PIEZO2: variants seen among roughly 807,000 people sequenced by gnomAD.
PIEZO2 encodes the protein piezo type mechanosensitive ion channel component 2, also known as piezo-type mechanosensitive ion channel component 2.
PIEZO2 carries 172 observed loss-of-function variants against 337.3 expected under a neutral mutation model. That is an observed-to-expected ratio of 0.51 (90% confidence interval 0.45 to 0.58). The LOEUF is 0.58. Ranked by LOEUF, PIEZO2 falls within the 20% of genes least tolerant of loss-of-function variation. PIEZO2 has a pLI of 0.00. For synonymous variants in PIEZO2, 1,251 were observed against 1,228.5 expected (o/e 1.02, Z -0.38); for missense variants, 3,028 against 3,391.3 (o/e 0.89, Z 2.66).
At chr18:11,058,186 C>A (rs2037799297) in intron 2 of PIEZO2, among the ~76,000 whole-genome samples, 1 of 152,212 alleles carries the variant, frequency 6.6e-6, no homozygotes, top group South Asian at 2.1e-4. Context: ...GTTACCCAGG[C>A]AAACAGGGTC....
At chr18:10,947,228 T>C (rs2033071518) in intron 3 of PIEZO2, among the ~76,000 whole-genome samples, 1 of 152,010 alleles carries the variant, frequency 6.6e-6, no homozygotes, top group Admixed American at 6.6e-5. Flanking sequence ...TAAATAATCT[T>C]TTGGGAAGAG....
rs2032830911 is a variant in PIEZO2, at chr18:10,943,450, G to A, written c.287-32222C>T. Among the ~76,000 whole-genome samples, 2 of 152,328 alleles carry A rather than the reference G, an allele frequency of 1.3e-5. No homozygotes were observed. Among genetic ancestry groups the A allele is most frequent in the South Asian group, 4.1e-4 (2 of 4,826 alleles). On this transcript the variant is annotated intron_variant, in intron 3 of 55. Coordinates refer to ENST00000674853, the MANE Select transcript of PIEZO2 (RefSeq NM_001378183.1). The surrounding 1 kb of genome is among the most constrained non-coding windows in gnomAD (Gnocchi z 4.5). ...ACAGGAGACCATTTCGGAGCTTTAA[G>A]ATTTGACTGCCCTGCTGGATTTCAG...
At position 10,895,676 on chromosome 18, in the gene PIEZO2, C is replaced by A. The variant is rs1448291803; in HGVS notation, c.329+15510G>T. 6.6e-6 allele frequency among the ~76,000 whole-genome samples: 1 copy of A among 152,140 alleles called. No individual in the cohort carries two copies. The highest frequency in any genetic ancestry group is 1.5e-5 in the Non-Finnish European group (1 of 68,034). The stretch of plus-strand genomic sequence containing the variant: ...AGTTTAACACCTGGGAAATGGGGCG[C>A]TCCCTCTGACCTGCACATTTCATCT... On this transcript the variant is annotated intron_variant, in intron 4 of 55. Transcript: ENST00000674853. This position sits in a 1 kb window ranked among gnomAD's most constrained non-coding sequence, Gnocchi z 4.8.
At position 10,699,075 on chromosome 18, in the gene PIEZO2, C is replaced by T. The variant is rs750768276; in HGVS notation, c.6544G>A (p.Asp2182Asn). The change falls in exon 44 of 56, where the codon GAT becomes AAT. Residue 2182 changes from aspartate (D) to asparagine (N), a missense_variant. This residue lies in a region of PIEZO2 where 1,925 missense variants were observed against 2,051.9 expected (regional missense o/e 0.94). Transcript: ENST00000674853. ...SLGHGRRDSS[D>N]SLKSINLAAS... ...GCCAGGTTGATGGACTTGAGAGAAT[C>T]GGAGGAGTCCCTCCTGCCATGACCG... 47 of 1,537,040 alleles carry T rather than the reference C, an allele frequency of 3.1e-5. No homozygotes were observed. In the East Asian group the frequency reaches 5.1e-4, roughly 17 times the overall value.
At chr18:10,693,038 T>G (rs1159272772) in intron 47 of PIEZO2, among the ~76,000 whole-genome samples, 1 of 152,162 alleles carries the variant, frequency 6.6e-6, no homozygotes, top group African/African-American at 2.4e-5. Context: ...ATTTAGGCCT[T>G]CTTTAATTTC....
rs1046817827 is a variant in PIEZO2 at position 11,097,598 on chromosome 18, C to A, written c.65-31376G>T. The stretch of plus-strand genomic sequence containing the variant: ...AGGAGTACAGCCTAATCACCACCAC[C>A]AAAACAAGTTGTCTTCACCTGGATG... On this transcript the variant is annotated intron_variant, in intron 1 of 55. Transcript: ENST00000674853. This position sits in a 1 kb window ranked among gnomAD's most constrained non-coding sequence, Gnocchi z 5.0. Among the ~76,000 whole-genome samples, 2 of 152,232 alleles carry A rather than the reference C, an allele frequency of 1.3e-5. No homozygotes were observed. Among genetic ancestry groups the A allele is most frequent in the Admixed American group, 6.5e-5 (1 of 15,290 alleles).
chr18:10,712,744 T>G (rs2035868833), intron 39 of PIEZO2, among the ~76,000 whole-genome samples: 1 of 152,352 alleles, frequency 6.6e-6, no homozygotes, highest in South Asian at 2.1e-4. Flanking sequence ...GTGCATATTC[T>G]TGGGTAGAAA....
At chr18:10,698,018 T>G in intron 44 of PIEZO2, 138 bp from the exon 45 acceptor site, 2 of 81,218 alleles carry the variant, frequency 2.5e-5, no homozygotes, top group Non-Finnish European at 3.3e-5. Flanking sequence ...TGCACGGCCT[T>G]GGGATTTGTC....
At position 10,819,066 on chromosome 18, in the gene PIEZO2, T is replaced by A. The variant is rs567981807; in HGVS notation, c.918-11792A>T. Among the ~76,000 whole-genome samples the A allele has an allele frequency of 4.5e-4, 69 of 152,326 alleles. 1 individual carries two copies. The South Asian group carries it at 0.011, about 25-fold the overall frequency. Reference sequence around the variant, plus strand: ...TACACATCGTCCCCCACCAAAATAATATGGAAATGTTCCATTTAATTGTCA... The same window carrying A: ...TACACATCGTCCCCCACCAAAATAAAATGGAAATGTTCCATTTAATTGTCA... On this transcript the variant is annotated intron_variant, in intron 7 of 55. Transcript: ENST00000674853. This position sits in a 1 kb window ranked among gnomAD's most constrained non-coding sequence, Gnocchi z 4.3.
intron 10 of PIEZO2, 93 bp from the exon 11 acceptor site, chr18:10,800,568 A>T: frequency 3.0e-6 from 4 of 1,349,296 alleles, no homozygotes; most frequent in Non-Finnish European, 3.9e-6. Context: ...ACCCTAACTG[A>T]ACAGTGAGGA....
At chr18:10,685,950 C>T (rs779319920) in intron 49 of PIEZO2, among the ~76,000 whole-genome samples, 14 of 138,560 alleles carry the variant, frequency 1.0e-4, no homozygotes, top group South Asian at 2.2e-4. Context: ...ACAACTGACT[C>T]GCTCACTTGT....
At chr18:10,917,098 G>T (rs1189331598) in intron 3 of PIEZO2, among the ~76,000 whole-genome samples, 1 of 140,802 alleles carries the variant, frequency 7.1e-6, no homozygotes, top group Non-Finnish European at 1.5e-5. Context: ...AAGTACAGGG[G>T]GAGTTCGTTC....
intron 4 of PIEZO2, among the ~76,000 whole-genome samples, chr18:10,876,555 A>C (rs1423889057): frequency 6.6e-6 from 1 of 152,184 alleles, no homozygotes; most frequent in Non-Finnish European, 1.5e-5. Context: ...AAGTCGGTAA[A>C]TCTCATTTCA....
At chr18:11,124,627 T>G (rs1471467182) in intron 1 of PIEZO2, among the ~76,000 whole-genome samples, 1 of 152,058 alleles carries the variant, frequency 6.6e-6, no homozygotes, top group Non-Finnish European at 1.5e-5. Context: ...CCCTCTAGAC[T>G]GGCAGGCATG....
chr18:10,738,906 C>G (rs2037114461), intron 33 of PIEZO2: 1 of 152,184 alleles, frequency 6.6e-6, no homozygotes, highest in African/African-American at 2.4e-5. Flanking sequence ...TGTCCCTATA[C>G]AGACCATGCT....
intron 1 of PIEZO2, among the ~76,000 whole-genome samples, chr18:11,085,977 ATCC>A (rs959748172): frequency 3.9e-5 from 6 of 152,210 alleles, no homozygotes; most frequent in African/African-American, 1.2e-4. Flanking sequence ...CTATAAATTA[ATCC>A]TCCTTCATTT....
At chr18:10,826,237 G>C (rs746214494) in intron 7 of PIEZO2, among the ~76,000 whole-genome samples, 1 of 152,070 alleles carries the variant, frequency 6.6e-6, no homozygotes, top group Non-Finnish European at 1.5e-5. Context: ...CCTCTCACCT[G>C]AAAGAACAAG....
intron 3 of PIEZO2, among the ~76,000 whole-genome samples, chr18:10,960,633 G>GT (rs1192975245): frequency 2.0e-5 from 3 of 151,268 alleles, no homozygotes; most frequent in Non-Finnish European, 2.9e-5. Flanking sequence ...TGTGTTTGAG[G>GT]TTTTTTCCTG....
rs1010520773 is a variant in PIEZO2 at position 10,773,989 on chromosome 18, T to G, written c.2567+17A>C. 4.3e-6 allele frequency: 3 copies of G among 703,098 alleles called. No individual in the cohort carries two copies. Among genetic ancestry groups the G allele is most frequent in the Admixed American group, 2.0e-5 (1 of 50,018 alleles). The allele number at this position is 703,098 out of a possible 1,614,324, so 43.6% of individuals were successfully genotyped here. On this transcript the variant is annotated intron_variant, in intron 19 of 55. Coordinates refer to ENST00000674853, the MANE Select transcript of PIEZO2 (RefSeq NM_001378183.1). This position sits in a 1 kb window ranked among gnomAD's most constrained non-coding sequence, Gnocchi z 5.3. Reference sequence around the variant, plus strand: ...TCATGTAGAGCAAGCATTTCATGGCTTCACAGGGGGACTTACTCATTTTGG... The same window carrying G: ...TCATGTAGAGCAAGCATTTCATGGCGTCACAGGGGGACTTACTCATTTTGG...
Sources: allele counts gnomAD v4.1 joint callset (sites outside exome capture counted in the v4.1 genomes callset), GRCh38; gene constraint gnomAD v4.1.1; regional missense constraint gnomAD v4.1.1; non-coding constraint Gnocchi (gnomAD v3.1); transcripts MANE v1.5; gene names NCBI Gene and HGNC (gene_info 2026-07-23, HGNC 2026-07-21).